Variants in ADSL observed in about 807,000 individuals in gnomAD.
ADSL encodes the protein adenylosuccinate lyase.
A neutral mutation model predicts 62.1 loss-of-function variants in ADSL; 44 were observed. The observed-to-expected ratio is 0.71, with a 90% CI of 0.56 to 0.91. The LOEUF is 0.91. Among genes scored for constraint, ADSL ranks in the 40% least tolerant of loss-of-function variants. The probability of loss-of-function intolerance (pLI) is 0.00; values close to 1 mark genes in which losing one functional copy is unlikely to be tolerated. For missense variants in ADSL, 531 were observed against 627.4 expected (o/e 0.85, Z 1.64); for synonymous variants, 198 against 220.5 (o/e 0.90, Z 0.90).
intron 2 of ADSL, among the ~76,000 whole-genome samples, chr22:40,377,845 CAAA>C (rs35941683): frequency 2.1e-4 from 13 of 61,562 alleles, no homozygotes; most frequent in Admixed American, 6.6e-4. Context: ...GACCCTGTCT[CAAA>C]AAAAAAAAAA....
intron 9 of ADSL, 36 bp downstream of exon 9, chr22:40,361,671 AGTGGAGG>A: frequency 2.5e-6 from 4 of 1,608,328 alleles, no homozygotes; most frequent in Non-Finnish European, 3.4e-6. Context: ...CACCAAGTTG[AGTGGAGG>A]TCTGAAGGAG....
chr22:40,360,350 T>C, intron 6 of ADSL, 52 bp from the exon 7 acceptor site: 2 of 1,493,368 alleles, frequency 1.3e-6, no homozygotes, highest in Non-Finnish European at 1.9e-6. Context: ...CATGCACCAC[T>C]GCAATGGCTT....
At chr22:40,356,058 C>G (rs531320872) in intron 4 of ADSL, among the ~76,000 whole-genome samples, 1 of 150,912 alleles carries the variant, frequency 6.6e-6, no homozygotes, top group African/African-American at 2.4e-5. Flanking sequence ...AAAAATTAGC[C>G]GGACGCAGTG....
rs2044666371 is a variant in ADSL, at chr22:40,358,942, G to A, written c.561G>A (p.Lys187=). 1.2e-6 allele frequency: 2 copies of A among 1,614,186 alleles called. No individual in the cohort carries two copies. The highest frequency in any genetic ancestry group is 1.7e-5 in the Admixed American group (1 of 60,014). The change falls in exon 5 of 13, where the codon AAG becomes AAA. Residue 187 remains lysine (K), a synonymous_variant. Transcript: ENST00000623063. ...TTTGCATGGATCTCCAGAACTTGAA[G>A]CGTGTCCGAGATGACCTGCGCTTCC... The part of the protein sequence containing the change: ...QDLCMDLQNL[K]RVRDDLRFRG...
At position 40,358,893 on chromosome 22, in the gene ADSL, G is replaced by A. The variant is rs760629234; in HGVS notation, c.512G>A (p.Arg171His). 9 of 1,614,188 alleles carry A rather than the reference G, an allele frequency of 5.6e-6. No individual in the cohort carries two copies. Among genetic ancestry groups the A allele is most frequent in the Non-Finnish European group, 7.6e-6 (9 of 1,180,040 alleles). The change falls in exon 5 of 13, where the codon CGT (arginine) becomes CAT (histidine). Residue 171 changes from arginine to histidine, a missense_variant. Physicochemically the swap from Arg to His is conservative, Grantham distance 29. This residue lies in a region of ADSL where 471 missense variants were observed against 592.9 expected (regional missense o/e 0.79). Transcript: ENST00000623063. ...GCACAGCTGACCACAGTTGGGAAAC[G>A]TTGCTGTCTTTGGATTCAGGATCTT... ...QPAQLTTVGKRCCLWIQDLCM... is the reference protein window; with the variant it reads ...QPAQLTTVGKHCCLWIQDLCM...
intron 2 of ADSL, 94 bp from the exon 3 acceptor site, chr22:40,352,979 T>C: frequency 1.0e-6 from 1 of 1,003,614 alleles, no homozygotes; most frequent in Non-Finnish European, 1.6e-6. Flanking sequence ...GGCTGGTAGC[T>C]GAGCAACCCA....
intron 4 of ADSL, among the ~76,000 whole-genome samples, chr22:40,358,517 G>A (rs1421512095): frequency 2.0e-5 from 3 of 152,158 alleles, no homozygotes; most frequent in South Asian, 4.1e-4. Flanking sequence ...TCCAGAGGTC[G>A]AGGCTACAGT....
intron 2 of ADSL, among the ~76,000 whole-genome samples, chr22:40,351,768 C>G (rs1183964415): frequency 6.6e-6 from 1 of 152,164 alleles, no homozygotes; most frequent in Non-Finnish European, 1.5e-5. Flanking sequence ...AGTCTCCTGC[C>G]TCAGCCTTCC....
downstream of ADSL, among the ~76,000 whole-genome samples, chr22:40,369,936 G>A (rs1310842970): frequency 1.3e-5 from 2 of 152,178 alleles, no homozygotes; most frequent in Non-Finnish European, 2.9e-5. Context: ...TTTAGTGGAA[G>A]CACGAGGGTT....
At chr22:40,362,841 C>A in intron 9 of ADSL, 140 bp from the exon 10 acceptor site, 1 of 841,334 alleles carries the variant, frequency 1.2e-6, no homozygotes, top group South Asian at 1.4e-5. Flanking sequence ...ATTTGAGGGT[C>A]GTGAGGTTAT....
At chr22:40,372,121 C>CG (rs1011862774), downstream of ADSL, among the ~76,000 whole-genome samples, 3 of 114,258 alleles carry the variant, frequency 2.6e-5, no homozygotes, top group African/African-American at 1.1e-4. Flanking sequence ...GTCCCCCCCC[C>CG]CTTTTTTTTT....
chr22:40,348,283 G>T (rs2044217548), intron 1 of ADSL: 1 of 396,992 alleles, frequency 2.5e-6, no homozygotes, highest in Admixed American at 4.4e-5. Flanking sequence ...GAGGTGTCAT[G>T]TCTTCTGTGA....
intron 12 of ADSL, among the ~76,000 whole-genome samples, chr22:40,365,372 A>T (rs113345527): frequency 2.0e-5 from 3 of 151,128 alleles, no homozygotes; most frequent in Non-Finnish European, 3.0e-5. Context: ...TTTTGGAATT[A>T]TCTTTTGGTC....
chr22:40,359,008 G>A lies in ADSL; in HGVS notation c.627G>A (p.Leu209=), dbSNP rs1160210220. The change falls in exon 5 of 13, where the codon CTG becomes CTA. Residue 209 remains leucine, a synonymous_variant. Transcript: ENST00000623063. ...CCACTGGCACTCAGGCCAGTTTCCT[G>A]CAGCTCTTTGAGGGAGATGACCATA... The part of the protein sequence containing the change: ...KGTTGTQASF[L]QLFEGDDHKV... 1 of 1,614,172 alleles carries A rather than the reference G, an allele frequency of 6.2e-7. No homozygotes were observed. The highest frequency in any genetic ancestry group is 8.5e-7 in the Non-Finnish European group (1 of 1,180,044).
chr22:40,370,973 C>T (rs529197742), downstream of ADSL, among the ~76,000 whole-genome samples: 1 of 152,352 alleles, frequency 6.6e-6, no homozygotes, highest in South Asian at 2.1e-4. Context: ...GGGGCGCCAG[C>T]CGGAATCCAC....
chr22:40,352,046 C>G (rs2044366840), intron 2 of ADSL: 1 of 152,190 alleles, frequency 6.6e-6, no homozygotes, highest in Non-Finnish European at 1.5e-5. Context: ...AGTCTTCTTA[C>G]TTGGAAAATC....
chr22:40,363,161 T>A, intron 10 of ADSL, 90 bp downstream of exon 10: 1 of 1,222,668 alleles, frequency 8.2e-7, no homozygotes, highest in South Asian at 1.2e-5. Context: ...GGAGCTGTAT[T>A]CTGATCCGAT....
downstream of ADSL, among the ~76,000 whole-genome samples, chr22:40,371,026 G>T (rs935154973): frequency 1.2e-4 from 18 of 152,244 alleles, no homozygotes; most frequent in African/African-American, 3.9e-4. Flanking sequence ...CCGCGCCTGA[G>T]GCGGGGGGCT....
chr22:40,358,583 A>G (rs2044654455), intron 4 of ADSL, among the ~76,000 whole-genome samples: 1 of 152,210 alleles, frequency 6.6e-6, no homozygotes, highest in South Asian at 2.1e-4. Context: ...GACCCAGTCT[A>G]GAAATAATAA....
Sources: gnomAD v4.1 joint callset for allele counts (sites outside exome capture counted in the v4.1 genomes callset) on GRCh38, gnomAD v4.1.1 for gene constraint, gnomAD v4.1.1 regional missense constraint, MANE v1.5 for transcripts, NCBI Gene and HGNC (gene_info 2026-07-23, HGNC 2026-07-21) for gene names.